The following ZC3H18 variants were observed in gnomAD, a reference collection of about 807,000 sequenced individuals.
ZC3H18 encodes the protein zinc finger CCCH domain-containing protein 18.
A neutral mutation model predicts 106.1 loss-of-function variants in ZC3H18; 8 were observed. That is an observed-to-expected ratio of 0.08 (90% CI 0.04 to 0.14). The LOEUF is 0.14. Among genes scored for constraint, ZC3H18 ranks in the 10% least tolerant of loss-of-function variants. ZC3H18 has a pLI of 1.00. For missense variants in ZC3H18, 1,318 were observed against 1,278.4 expected (o/e 1.03, Z -0.47); for synonymous variants, 635 against 522.1 (o/e 1.22, Z -2.95).
At chr16:88,590,494 C>G (rs1191829238) in intron 3 of ZC3H18, among the ~76,000 whole-genome samples, 4 of 150,194 alleles carry the variant, frequency 2.7e-5, no homozygotes, top group African/African-American at 9.8e-5. Flanking sequence ...CATCAGGACA[C>G]AAAGTTCTGT....
At chr16:88,626,150 G>A (rs970082300) in intron 13 of ZC3H18, 1 of 151,904 alleles carries the variant, frequency 6.6e-6, no homozygotes, top group African/African-American at 2.4e-5. Flanking sequence ...TAGAGACTGG[G>A]TTTTACCACG....
At chr16:88,574,286 T>A (rs1263020452) in intron 1 of ZC3H18, among the ~76,000 whole-genome samples, 2 of 151,588 alleles carry the variant, frequency 1.3e-5, no homozygotes, top group Non-Finnish European at 3.0e-5. Context: ...CTCGGCTCAC[T>A]GCAACCACTG....
At chr16:88,588,771 G>A (rs1051445003) in intron 3 of ZC3H18, among the ~76,000 whole-genome samples, 2 of 152,048 alleles carry the variant, frequency 1.3e-5, no homozygotes, top group Non-Finnish European at 2.9e-5. Flanking sequence ...TCCCAGCTAC[G>A]TGGGGGGTGG....
At position 88,623,627 on chromosome 16, in the gene ZC3H18, G is replaced by T. The variant is rs566585835; in HGVS notation, c.1793+283G>T. ...CGCAGACAGGCCGAGGAAGGGGCCAGACCCAGCCCTGTCCTGTGGGTGTTT... is the reference window on the plus strand; with the variant it reads ...CGCAGACAGGCCGAGGAAGGGGCCATACCCAGCCCTGTCCTGTGGGTGTTT... On this transcript the variant is annotated intron_variant, in intron 10 of 17. Coordinates refer to ENST00000301011, the MANE Select transcript of ZC3H18 (RefSeq NM_144604.4). 1.2e-5 allele frequency: 7 copies of T among 574,398 alleles called. No individual in the cohort carries two copies. The South Asian group carries it at 1.5e-4, about 12-fold the overall frequency. 35.6% of individuals were successfully genotyped at this position (574,398 alleles called of 1,614,324 possible).
At chr16:88,588,069 C>G (rs1459267164) in intron 3 of ZC3H18, among the ~76,000 whole-genome samples, 2 of 152,212 alleles carry the variant, frequency 1.3e-5, no homozygotes, top group Non-Finnish European at 2.9e-5. Context: ...TTGTCACAGA[C>G]ACACCTAAGA....
In ZC3H18 at chr16:88,622,273, C is replaced by A; in HGVS notation, c.1552C>A (p.Pro518Thr). 6.2e-7 allele frequency: 1 copy of A among 1,614,144 alleles called. No homozygotes were observed. Among genetic ancestry groups the A allele is most frequent in the Non-Finnish European group, 8.5e-7 (1 of 1,180,010 alleles). The change falls in exon 9 of 18, where the codon CCT becomes ACT. Residue 518 changes from proline (P) to threonine (T), a missense_variant. Transcript: ENST00000301011. The part of the protein sequence containing the change: ...QVKRADEWKD[P>T]WRRSKSPKKK... ...GAAGAGAGCAGATGAGTGGAAGGACCCTTGGCGCCGATCCAAGTCTCCCAA... is the reference window on the plus strand; with the variant it reads ...GAAGAGAGCAGATGAGTGGAAGGACACTTGGCGCCGATCCAAGTCTCCCAA...
intron 3 of ZC3H18, among the ~76,000 whole-genome samples, chr16:88,591,817 G>A (rs577338516): frequency 6.6e-6 from 1 of 152,278 alleles, no homozygotes; most frequent in South Asian, 2.1e-4. Flanking sequence ...TGCTGGCAGC[G>A]GAGTTTCTGA....
intron 3 of ZC3H18, among the ~76,000 whole-genome samples, chr16:88,597,653 T>A (rs902813253): frequency 1.3e-5 from 2 of 152,224 alleles, no homozygotes; most frequent in African/African-American, 4.8e-5. Context: ...CCCGTTTCAG[T>A]TCCAGAAATA....
chr16:88,580,597 C>G (rs1263529903), intron 2 of ZC3H18, among the ~76,000 whole-genome samples: 1 of 152,196 alleles, frequency 6.6e-6, no homozygotes, highest in Admixed American at 6.5e-5. Flanking sequence ...TCTTGCATCT[C>G]TGCCGTATCT....
chr16:88,590,564 C>CTTTTTTTTTT (rs57632461), intron 3 of ZC3H18, among the ~76,000 whole-genome samples: 7,752 of 100,416 alleles, frequency 0.077, 849 homozygotes, highest in African/African-American at 0.11. Flanking sequence ...TTCTTTATTT[C>CTTTTTTTTTT]TTTTTTTTTT....
intron 2 of ZC3H18, among the ~76,000 whole-genome samples, chr16:88,582,802 C>G (rs1915213278): frequency 6.6e-6 from 1 of 152,208 alleles, no homozygotes. Flanking sequence ...GGTGGCAGAC[C>G]TGGCCCAAGC....
rs767661703 is a variant in ZC3H18, at chr16:88,624,651, A to G, written c.1948A>G (p.Thr650Ala). 9 of 1,613,804 alleles carry G rather than the reference A, an allele frequency of 5.6e-6. No individual in the cohort carries two copies. The highest frequency in any genetic ancestry group is 1.1e-5 in the South Asian group (1 of 91,088). The part of the protein sequence containing the change: ...PAPPPAPPQA[T>A]KTTAPVPEPT... Reference sequence around the variant, plus strand: ...CCCGCCTCCAGCCCCACCACAGGCCACCAAAACCACTGCTCCTGTCCCCGA... The same window carrying G: ...CCCGCCTCCAGCCCCACCACAGGCCGCCAAAACCACTGCTCCTGTCCCCGA... Residue 650 changes from threonine to alanine, a missense_variant, in exon 12 of 18, where the codon ACC becomes GCC. Thr to Ala is a moderately conservative substitution (Grantham distance 58). This residue lies in a region of ZC3H18 where 848 missense variants were observed against 821.7 expected (regional missense o/e 1.03). Transcript: ENST00000301011.
chr16:88,570,913 G>A (rs1160667735), intron 1 of ZC3H18, among the ~76,000 whole-genome samples: 1 of 152,276 alleles, frequency 6.6e-6, no homozygotes, highest in African/African-American at 2.4e-5. Context: ...CGGCTAAGGG[G>A]CGGTGAGAGG....
chr16:88,613,568 G>C (rs1403158731), intron 8 of ZC3H18, among the ~76,000 whole-genome samples: 2 of 152,098 alleles, frequency 1.3e-5, no homozygotes, highest in Non-Finnish European at 2.9e-5. Context: ...CTGCCGTTGC[G>C]ATTTGTATTT....
chr16:88,628,969 T>A lies in ZC3H18; in HGVS notation c.2566+115T>A, dbSNP rs1906495709. 5.3e-6 allele frequency: 5 copies of A among 938,262 alleles called. No homozygotes were observed. In the South Asian group the frequency reaches 7.6e-5, roughly 14 times the overall value. The allele number at this position is 938,262 out of a possible 1,614,324, so 58.1% of individuals were successfully genotyped here. A position where few individuals can be genotyped will look rare whatever the true frequency, so the allele number is the denominator to read the frequency against. ...AAGTAGGAGGAGGGTCCAGAGAACA[T>A]CTGACTTGCAGATGATGCCTGTCGG... On this transcript the variant is annotated intron_variant, in intron 16 of 17. Coordinates refer to ENST00000301011, the MANE Select transcript of ZC3H18 (RefSeq NM_144604.4).
At position 88,611,510 on chromosome 16, in the gene ZC3H18, C is replaced by T. The variant is rs1905274429; in HGVS notation, c.1449C>T (p.Pro483=). 7 of 1,550,340 alleles carry T rather than the reference C, an allele frequency of 4.5e-6. No individual in the cohort carries two copies. The East Asian group carries it at 1.7e-4, about 38-fold the overall frequency. The change falls in exon 8 of 18, where the codon CCC becomes CCT. Residue 483 remains proline (P), a synonymous_variant. Transcript: ENST00000301011. The part of the protein sequence containing the change: ...EKEREKEKGK[P]KPRSPQPPSR... ...AGCGGGAGAAGGAGAAGGGGAAGCC[C>T]AAGCCCCGCTCCCCGCAGCCGCCAA...
At chr16:88,629,041 T>G (rs72809495) in intron 16 of ZC3H18, among the ~76,000 whole-genome samples, 187 bp downstream of exon 16, 51 of 152,354 alleles carry the variant, frequency 3.3e-4, no homozygotes, top group Admixed American at 2.7e-3. Context: ...TTTAAATATT[T>G]GTTTAAAAAT....
intron 8 of ZC3H18, among the ~76,000 whole-genome samples, chr16:88,612,580 G>C (rs1179508495): frequency 6.9e-6 from 1 of 145,844 alleles, no homozygotes; most frequent in South Asian, 2.2e-4. Flanking sequence ...GGGAGGCCAA[G>C]GCAGGAGGAT....
intron 3 of ZC3H18, among the ~76,000 whole-genome samples, chr16:88,595,084 G>A (rs1412789745): frequency 6.6e-6 from 1 of 152,202 alleles, no homozygotes; most frequent in African/African-American, 2.4e-5. Flanking sequence ...CTGGGAGGCG[G>A]AGGTTGCAGT....
Sources: allele counts gnomAD v4.1 joint callset (sites outside exome capture counted in the v4.1 genomes callset), GRCh38; gene constraint gnomAD v4.1.1; regional missense constraint gnomAD v4.1.1; transcripts MANE v1.5; gene names NCBI Gene and HGNC (gene_info 2026-07-23, HGNC 2026-07-21).